UMAD1: variants seen among roughly 807,000 people sequenced by gnomAD.
The protein encoded by UMAD1 is UBAP1-MVB12-associated (UMA)-domain containing protein 1.
Under a neutral mutation model 6.1 loss-of-function variants are expected in UMAD1, and 8 were observed. The ratio of observed to expected loss-of-function variants is 1.30; its 90% CI spans 0.76 to 2.35. The LOEUF is 2.35. UMAD1 is among the 30% of genes most tolerant of loss of function. The pLI is 0.00. For synonymous variants in UMAD1, 56 were observed against 31.4 expected, an observed-to-expected ratio of 1.78 and a Z score of -2.61; for missense variants, 130 against 78.4, an observed-to-expected ratio of 1.66 and a Z score of -2.49.
chr7:7,680,402 C>CT (rs1246740092), intron 2 of UMAD1, among the ~76,000 whole-genome samples: 1 of 152,042 alleles, frequency 6.6e-6, no homozygotes, highest in Non-Finnish European at 1.5e-5. Flanking sequence ...GTCCATGTGT[C>CT]TGTTTTTATG....
Position 7,878,128 on chromosome 7 carries a change from C to G in UMAD1, c.*590C>G, listed in dbSNP as rs1037279320. On this transcript the variant is annotated 3_prime_UTR_variant, in exon 4 of 4. Transcript: ENST00000682710. ...CTCTGCGTGCTCTTTCTGGAGTGGCCCATTTCGGTTTTCTGAAACCCATGG... is the reference window on the plus strand; with the variant it reads ...CTCTGCGTGCTCTTTCTGGAGTGGCGCATTTCGGTTTTCTGAAACCCATGG... 6.6e-6 allele frequency: 1 copy of G among 152,420 alleles called. No individual in the cohort carries two copies. Among genetic ancestry groups the G allele is most frequent in the East Asian group, 1.9e-4 (1 of 5,204 alleles). The allele number at this position is 152,420 out of a possible 1,614,324, so 9.4% of individuals were successfully genotyped here. A position where few individuals can be genotyped will look rare whatever the true frequency, so the allele number is the denominator to read the frequency against.
chr7:7,842,239 G>A (rs1341730048), intron 3 of UMAD1, among the ~76,000 whole-genome samples: 1 of 152,118 alleles, frequency 6.6e-6, no homozygotes, highest in African/African-American at 2.4e-5. Context: ...GTAAAATGAG[G>A]ATAACTCTGC....
chr7:7,713,054 T>C (rs1205043451), intron 2 of UMAD1, among the ~76,000 whole-genome samples: 1 of 152,050 alleles, frequency 6.6e-6, no homozygotes, highest in East Asian at 1.9e-4. Context: ...AAAAATATTC[T>C]AGGGCCGCGC....
intron 3 of UMAD1, among the ~76,000 whole-genome samples, chr7:7,869,071 A>G (rs187350627): frequency 4.6e-5 from 7 of 152,286 alleles, no homozygotes; most frequent in African/African-American, 1.7e-4. Flanking sequence ...CAGGACACCA[A>G]CTCTCAGGCA....
At chr7:7,706,241 G>GA (rs796383719) in intron 2 of UMAD1, among the ~76,000 whole-genome samples, 9 of 152,112 alleles carry the variant, frequency 5.9e-5, no homozygotes, top group African/African-American at 2.2e-4. Flanking sequence ...CTTCTGAGAT[G>GA]AAAAAAATCA....
chr7:7,813,385 T>A (rs1212677344), intron 3 of UMAD1, among the ~76,000 whole-genome samples: 1 of 152,192 alleles, frequency 6.6e-6, no homozygotes, highest in African/African-American at 2.4e-5. Context: ...TTGTATTTTT[T>A]AGTAGAGACA....
At chr7:7,847,094 AAAAAAAAAAAATATATATATATAT>A (rs1307404290) in intron 3 of UMAD1, among the ~76,000 whole-genome samples, 2 of 42,718 alleles carry the variant, frequency 4.7e-5, no homozygotes, top group African/African-American at 3.3e-4. Context: ...ATGCAAAAAA[AAAAAAAAAAAATATATATATATAT>A]ATATATATAT....
chr7:7,808,056 C>G (rs531741196), intron 3 of UMAD1, among the ~76,000 whole-genome samples: 1 of 152,030 alleles, frequency 6.6e-6, no homozygotes, highest in South Asian at 2.1e-4. Flanking sequence ...ACAAAGTTCA[C>G]CATGTTTTTG....
intron 2 of UMAD1, among the ~76,000 whole-genome samples, chr7:7,777,503 C>A (rs1782235581): frequency 2.6e-5 from 2 of 77,084 alleles, no homozygotes; most frequent in African/African-American, 1.2e-4. Flanking sequence ...GAGACTCCAT[C>A]TCAAAAAAAA....
chr7:7,700,973 C>G (rs1780447350), intron 2 of UMAD1, among the ~76,000 whole-genome samples: 1 of 152,082 alleles, frequency 6.6e-6, no homozygotes, highest in Admixed American at 6.6e-5. Flanking sequence ...TTGCTTGAGC[C>G]CAGGAGTTTG....
At chr7:7,865,661 A>G (rs977296416) in intron 3 of UMAD1, among the ~76,000 whole-genome samples, 2 of 152,058 alleles carry the variant, frequency 1.3e-5, no homozygotes, top group African/African-American at 4.8e-5. Flanking sequence ...CCTTTTCAGT[A>G]CCTACCTAGT....
At chr7:7,704,228 TA>T (rs1780538345) in intron 2 of UMAD1, among the ~76,000 whole-genome samples, 1 of 152,222 alleles carries the variant, frequency 6.6e-6, no homozygotes, top group Non-Finnish European at 1.5e-5. Context: ...CTACTCTTTT[TA>T]CTACCTTTCT....
chr7:7,758,815 C>G (rs563146045), intron 2 of UMAD1, among the ~76,000 whole-genome samples: 1 of 152,308 alleles, frequency 6.6e-6, no homozygotes, highest in African/African-American at 2.4e-5. Context: ...CACAGTTTAT[C>G]CTTTCTCCGA....
intron 3 of UMAD1, among the ~76,000 whole-genome samples, chr7:7,853,048 G>A (rs971253796): frequency 6.6e-6 from 1 of 152,148 alleles, no homozygotes; most frequent in Non-Finnish European, 1.5e-5. Flanking sequence ...GAAAGAGAGA[G>A]TTTTTTTCTG....
At chr7:7,856,957 T>G (rs1184811668) in intron 3 of UMAD1, among the ~76,000 whole-genome samples, 1 of 152,226 alleles carries the variant, frequency 6.6e-6, no homozygotes, top group Non-Finnish European at 1.5e-5. Flanking sequence ...TTTAAAAAAT[T>G]TTTCAACTTG....
chr7:7,750,950 C>A (rs1458444156), intron 2 of UMAD1, among the ~76,000 whole-genome samples: 2 of 152,086 alleles, frequency 1.3e-5, no homozygotes, highest in South Asian at 4.1e-4. Flanking sequence ...GTAATGACCC[C>A]CATAATACTT....
At chr7:7,727,205 T>C (rs1414511031) in intron 2 of UMAD1, among the ~76,000 whole-genome samples, 1 of 152,250 alleles carries the variant, frequency 6.6e-6, no homozygotes, top group African/African-American at 2.4e-5. Context: ...TGAGTATTTC[T>C]TCCTCTTTTT....
intron 2 of UMAD1, among the ~76,000 whole-genome samples, chr7:7,753,435 T>C (rs913955045): frequency 6.6e-6 from 1 of 152,196 alleles, no homozygotes; most frequent in African/African-American, 2.4e-5. Context: ...TACTCTTCCT[T>C]GCCTCTGGTA....
intron 2 of UMAD1, among the ~76,000 whole-genome samples, chr7:7,708,938 T>A (rs1428486931): frequency 6.6e-6 from 1 of 150,552 alleles, no homozygotes; most frequent in Non-Finnish European, 1.5e-5. Flanking sequence ...TGTGTGTGTG[T>A]GAGAGAGAGA....
Sources: allele counts gnomAD v4.1 joint callset (sites outside exome capture counted in the v4.1 genomes callset), GRCh38; gene constraint gnomAD v4.1.1; transcripts MANE v1.5; gene names NCBI Gene and HGNC (gene_info 2026-07-23, HGNC 2026-07-21).